The following ADCY9 variants were observed in gnomAD, a reference collection of about 807,000 sequenced individuals.
ADCY9 encodes adenylate cyclase type 9.
A neutral mutation model predicts 101.5 loss-of-function variants in ADCY9; 50 were observed. The ratio of observed to expected loss-of-function variants is 0.49; its 90% confidence interval spans 0.39 to 0.62. The LOEUF (loss-of-function observed/expected upper bound fraction) is 0.62. Among genes scored for constraint, ADCY9 ranks in the 20% least tolerant of loss-of-function variants. ADCY9 has a pLI of 0.00. For missense variants in ADCY9, 1,662 were observed against 1,800.4 expected (o/e 0.92, Z 1.39); for synonymous variants, 905 against 769.3 (o/e 1.18, Z -2.92).
chr16:4,053,257 G>T (rs1040108911), intron 2 of ADCY9, among the ~76,000 whole-genome samples: 1 of 152,172 alleles, frequency 6.6e-6, no homozygotes, highest in African/African-American at 2.4e-5. Context: ...GAAGTGGGCC[G>T]TCAGGCAATG....
Position 3,983,257 on chromosome 16 carries a change from C to T in ADCY9, c.2494G>A (p.Val832Met), listed in dbSNP as rs1293822996. 2 of 1,552,098 alleles carry T rather than the reference C, an allele frequency of 1.3e-6. No individual in the cohort carries two copies. The highest frequency in any genetic ancestry group is 2.4e-5 in the East Asian group (1 of 40,930). ...CTGATGGACACCGCGAGGGACAGCA[C>T]CTCCAGCAGCAGGGCTGCACTGAAG... The part of the protein sequence containing the change: ...AVFSAALLLE[V>M]LSLAVSIRMV... Residue 832 changes from valine to methionine, a missense_variant, in exon 7 of 11, where the codon GTG (valine) becomes ATG (methionine). Val to Met is a conservative substitution (Grantham distance 21, BLOSUM62 1). Coordinates refer to ENST00000294016, the MANE Select transcript of ADCY9 (RefSeq NM_001116.4).
rs2056000915 is a variant in ADCY9 at position 3,966,723 on chromosome 16, G to A, written c.3114C>T (p.Tyr1038=). 2 of 1,614,190 alleles carry A rather than the reference G, an allele frequency of 1.2e-6. No homozygotes were observed. Among genetic ancestry groups the A allele is most frequent in the African/African-American group, 1.3e-5 (1 of 75,058 alleles). ...ADWLLRNIIP[Y]HVAEQLKVSQ... ...ACACCTTCAGCTGCTCAGCCACGTG[G>A]TAGGGGATGATGTTCCTCAGCAGCC... The change falls in exon 11 of 11, where the codon TAC becomes TAT. Residue 1038 remains tyrosine, a synonymous_variant. Transcript: ENST00000294016.
chr16:4,113,782 A>G lies in ADCY9; in HGVS notation c.1661T>C (p.Leu554Pro). Residue 554 changes from leucine to proline, a missense_variant, in exon 2 of 11, where the codon CTG (leucine) becomes CCG (proline). Physicochemically the swap from Leu to Pro is moderately conservative, Grantham distance 98. Around this residue, in one of 5 missense-constraint regions of ADCY9, gnomAD observed 624 missense variants for 639.1 expected, o/e 0.98. Transcript: ENST00000294016. The part of the protein sequence containing the change: ...EMEDGKVIER[L>P]GQSVVADQLK... ...CTGGTCAGCAACCACGCTCTGGCCC[A>G]GCCGTTCAATAACTTTCCCATCTTC... The G allele has an allele frequency of 1.9e-6, 3 of 1,613,904 alleles. No homozygotes were observed. Among genetic ancestry groups the G allele is most frequent in the Non-Finnish European group, 2.5e-6 (3 of 1,179,838 alleles).
chr16:4,072,994 G>GAAA (rs59730727), intron 2 of ADCY9, among the ~76,000 whole-genome samples: 35,092 of 128,030 alleles, frequency 0.27, 5,164 homozygotes, highest in East Asian at 0.46. Context: ...TATCCTAAAA[G>GAAA]AAAAAAAAAA....
At chr16:4,039,251 T>C (rs936816417) in intron 2 of ADCY9, among the ~76,000 whole-genome samples, 3 of 152,190 alleles carry the variant, frequency 2.0e-5, no homozygotes, top group African/African-American at 7.2e-5. Context: ...GTACTTGCGG[T>C]GCTGTTTCTC....
At chr16:3,978,719 A>ATTTAT (rs1329644277) in intron 8 of ADCY9, among the ~76,000 whole-genome samples, 1 of 152,110 alleles carries the variant, frequency 6.6e-6, no homozygotes, top group Middle Eastern at 3.4e-3. Context: ...ATTTTATTTT[A>ATTTAT]TTTATTTTAT....
rs530150534 is a variant in ADCY9, at chr16:3,965,960, G to A, written c.3877C>T (p.Leu1293=). ...PSVQYVDKTS[L]GSDSSTQAKD... ...GCCTGCGTGCTGCTGTCAGAACCCA[G>A]AGATGTCTTGTCCACATACTGGACA... The change falls in exon 11 of 11, where the codon CTG becomes TTG. Residue 1293 remains leucine, a synonymous_variant. Coordinates refer to ENST00000294016, the MANE Select transcript of ADCY9 (RefSeq NM_001116.4). 10 of 1,614,228 alleles carry A rather than the reference G, an allele frequency of 6.2e-6. No homozygotes were observed. The South Asian group carries it at 9.9e-5, about 16-fold the overall frequency.
intron 2 of ADCY9, among the ~76,000 whole-genome samples, chr16:4,095,624 A>T (rs56791379): frequency 0.041 from 6,206 of 152,182 alleles, 437 homozygotes; most frequent in African/African-American, 0.14. Context: ...AATAATAATT[A>T]TTCACTTCAC....
intron 5 of ADCY9, among the ~76,000 whole-genome samples, chr16:3,957,486 G>C (rs1337109368): frequency 6.6e-6 from 1 of 152,174 alleles, no homozygotes; most frequent in African/African-American, 2.4e-5. Flanking sequence ...GTCAGGGAGG[G>C]GGAGGGTGAT....
chr16:3,985,264 G>A (rs1472252858), intron 6 of ADCY9, among the ~76,000 whole-genome samples: 1 of 151,106 alleles, frequency 6.6e-6, no homozygotes, highest in East Asian at 1.9e-4. Context: ...CTCAGCCTCT[G>A]GAGTAGCTGG....
intron 3 of ADCY9, among the ~76,000 whole-genome samples, chr16:3,997,987 G>A (rs930003374): frequency 6.6e-6 from 1 of 151,996 alleles, no homozygotes; most frequent in Non-Finnish European, 1.5e-5. Flanking sequence ...CCAGCTACTG[G>A]GGAGACTGAG....
Position 3,964,524 on chromosome 16 carries a change from T to G in ADCY9, c.*1251A>C, listed in dbSNP as rs551733648. On this transcript the variant is annotated 3_prime_UTR_variant, in exon 11 of 11. Coordinates refer to ENST00000294016, the MANE Select transcript of ADCY9 (RefSeq NM_001116.4). ...TAAATCCTGCCACTGATAGGCCCTG[T>G]GCCATCTGAGAGCGGGAGGCAGCCA... is the stretch of plus-strand genomic sequence containing the variant. 2 of 152,476 alleles carry G rather than the reference T, an allele frequency of 1.3e-5. No individual in the cohort carries two copies. Among genetic ancestry groups the G allele is most frequent in the South Asian group, 2.1e-4 (1 of 4,828 alleles). 9.4% of individuals were successfully genotyped at this position (152,476 alleles called of 1,614,324 possible).
intron 2 of ADCY9, among the ~76,000 whole-genome samples, chr16:4,084,655 G>A (rs1156788494): frequency 6.6e-6 from 1 of 151,938 alleles, no homozygotes; most frequent in Non-Finnish European, 1.5e-5. Context: ...GAGCCTGGGT[G>A]GTCGAGGCTT....
At chr16:4,010,418 C>T (rs1034832346) in intron 2 of ADCY9, among the ~76,000 whole-genome samples, 19 of 152,358 alleles carry the variant, frequency 1.2e-4, no homozygotes, top group Admixed American at 2.6e-4. Context: ...GGAGTGGCAG[C>T]GGCGGCCTCT....
chr16:3,958,906 C>T (rs544199119), downstream of ADCY9, among the ~76,000 whole-genome samples: 57 of 151,998 alleles, frequency 3.8e-4, 1 homozygote, highest in African/African-American at 1.4e-3. Context: ...GACTCCTGAC[C>T]TCAGGTGATC....
intron 5 of ADCY9, among the ~76,000 whole-genome samples, chr16:3,990,843 G>A (rs1567426918): frequency 6.6e-6 from 1 of 152,214 alleles, no homozygotes; most frequent in Non-Finnish European, 1.5e-5. Flanking sequence ...CTGTTGCCCA[G>A]GCTGGAGTTG....
intron 7 of ADCY9, chr16:3,981,759 A>AT (rs55679230): frequency 0.66 from 96,309 of 145,904 alleles, 33,222 homozygotes; most frequent in Non-Finnish European, 0.77. Flanking sequence ...AAGAATGGCT[A>AT]TTTTTTTTTT....
chr16:4,115,902 T>G lies in ADCY9; in HGVS notation c.-256A>C. ...GCCGCCTGCGCACAAACAACTCCGC[T>G]GGCGGCGCGGAGCCCTCCATCCTGC... On this transcript the variant is annotated 5_prime_UTR_variant, in exon 1 of 11. Coordinates refer to ENST00000294016, the MANE Select transcript of ADCY9 (RefSeq NM_001116.4). The surrounding 1 kb of genome is among the most constrained non-coding windows in gnomAD (Gnocchi z 6.2). 7.8e-6 allele frequency: 3 copies of G among 386,102 alleles called. No individual in the cohort carries two copies. The highest frequency in any genetic ancestry group is 3.7e-5 in the East Asian group (1 of 27,334). 23.9% of individuals were successfully genotyped at this position (386,102 alleles called of 1,614,324 possible). A position where few individuals can be genotyped will look rare whatever the true frequency, so the allele number is the denominator to read the frequency against.
rs996434738 is a variant in ADCY9, at chr16:3,993,397, G to C, written c.1989+9C>G. ...GAACTGACAGGAACAACAGCCATGA[G>C]CTTGTTACCTTGGTGCTGTTTTTAT... On this transcript the variant is annotated intron_variant, in intron 4 of 10. Coordinates refer to ENST00000294016, the MANE Select transcript of ADCY9 (RefSeq NM_001116.4). The C allele has an allele frequency of 6.2e-7, 1 of 1,613,608 alleles. No homozygotes were observed. Among genetic ancestry groups the C allele is most frequent in the Non-Finnish European group, 8.5e-7 (1 of 1,179,474 alleles).
Sources: allele counts gnomAD v4.1 joint callset (sites outside exome capture counted in the v4.1 genomes callset), GRCh38; gene constraint gnomAD v4.1.1; regional missense constraint gnomAD v4.1.1; non-coding constraint Gnocchi (gnomAD v3.1); transcripts MANE v1.5; gene names NCBI Gene and HGNC (gene_info 2026-07-23, HGNC 2026-07-21).